Variants in GPC6 observed in about 807,000 individuals in gnomAD.
The protein encoded by GPC6 is glypican-6.
Under a neutral mutation model 55.2 loss-of-function variants are expected in GPC6, and 14 were observed. That is an observed-to-expected ratio of 0.25 (90% CI 0.17 to 0.40). The LOEUF is 0.40. GPC6 is among the 10% of genes least tolerant of loss of function. The pLI is 1.00. For missense variants in GPC6, 641 were observed against 708.5 expected, an observed-to-expected ratio of 0.90 and a Z score of 1.08; for synonymous variants, 278 against 259.6, an observed-to-expected ratio of 1.07 and a Z score of -0.68.
At chr13:93,743,601 T>A (rs1388465463) in intron 2 of GPC6, among the ~76,000 whole-genome samples, 1 of 152,154 alleles carries the variant, frequency 6.6e-6, no homozygotes, top group Non-Finnish European at 1.5e-5. Flanking sequence ...TCTGTTTTAT[T>A]GTACTCTTCT....
At chr13:93,398,237 T>C (rs9524047) in intron 1 of GPC6, among the ~76,000 whole-genome samples, 87,235 of 152,012 alleles carry the variant, frequency 0.57, 25,967 homozygotes, top group Non-Finnish European at 0.65. Flanking sequence ...GTTCTTTTTA[T>C]GTTTAAAAAT....
intron 7 of GPC6, among the ~76,000 whole-genome samples, chr13:94,389,018 C>T (rs1303041143): frequency 1.3e-5 from 2 of 152,178 alleles, no homozygotes; most frequent in Non-Finnish European, 2.9e-5. Context: ...ACAGCCTAGT[C>T]GTCTTCAGTG....
intron 6 of GPC6, among the ~76,000 whole-genome samples, chr13:94,355,715 C>A (rs1169566801): frequency 1.3e-5 from 2 of 151,906 alleles, no homozygotes; most frequent in African/African-American, 2.4e-5. Context: ...GCTTCCAGTC[C>A]CCCCCTCCAC....
intron 1 of GPC6, among the ~76,000 whole-genome samples, chr13:93,449,492 AAAT>A (rs150431500): frequency 0.22 from 33,390 of 152,102 alleles, 4,137 homozygotes; most frequent in Middle Eastern, 0.32. Context: ...CCATGGATAC[AAAT>A]AATAACACCC....
At chr13:94,013,218 G>GTATATATATA (rs10644543) in intron 3 of GPC6, among the ~76,000 whole-genome samples, 1 of 150,348 alleles carries the variant, frequency 6.7e-6, no homozygotes, top group Non-Finnish European at 1.5e-5. Flanking sequence ...ATGTGTGTAT[G>GTATATATATA]TATATATATA....
chr13:93,419,609 C>T (rs1003006022), intron 1 of GPC6, among the ~76,000 whole-genome samples: 7 of 151,972 alleles, frequency 4.6e-5, no homozygotes, highest in Non-Finnish European at 8.8e-5. Context: ...GCCTTTCAAC[C>T]GATAATACAG....
rs753768117 is a variant in GPC6, at chr13:94,403,113, C to T, written c.1564C>T (p.Pro522Ser). The T allele has an allele frequency of 1.6e-5, 26 of 1,613,498 alleles. No individual in the cohort carries two copies. In the Admixed American group the frequency reaches 1.7e-4, roughly 10 times the overall value. ...FVTTEAPAVD[P>S]DRREVDSSAA... ...CACCACAGAGGCCCCCGCAGTGGAT[C>T]CCGACCGGAGAGAGGTGGACTCTTC... The change falls in exon 9 of 9, where the codon CCC becomes TCC. Residue 522 changes from proline (P) to serine (S), a missense_variant. By Grantham distance (74) the Pro-to-Ser change is moderately conservative (BLOSUM62 -1). Coordinates refer to ENST00000377047, the MANE Select transcript of GPC6 (RefSeq NM_005708.5).
intron 1 of GPC6, among the ~76,000 whole-genome samples, chr13:93,343,294 A>G (rs1378196115): frequency 6.6e-6 from 1 of 152,152 alleles, no homozygotes; most frequent in African/African-American, 2.4e-5. Flanking sequence ...TAACACATTC[A>G]TTTGGATTGG....
intron 2 of GPC6, among the ~76,000 whole-genome samples, chr13:93,738,943 AC>A (rs1884097957): frequency 8.1e-6 from 1 of 122,958 alleles, no homozygotes; most frequent in African/African-American, 3.0e-5. Context: ...TTTTACACAC[AC>A]ACACACACAC....
chr13:94,366,321 G>C (rs750935973), intron 6 of GPC6, among the ~76,000 whole-genome samples: 3 of 152,122 alleles, frequency 2.0e-5, no homozygotes, highest in Non-Finnish European at 4.4e-5. Context: ...CCAAATCAGG[G>C]CTAATTTCCA....
chr13:93,758,256 C>T (rs975971423), intron 2 of GPC6, among the ~76,000 whole-genome samples: 10 of 152,150 alleles, frequency 6.6e-5, no homozygotes, highest in South Asian at 4.1e-4. Context: ...GGGCAGCTGT[C>T]TGAGGTGCAA....
At position 93,664,701 on chromosome 13, in the gene GPC6, T is replaced by C. The variant is rs139235332; in HGVS notation, c.319+119280T>C. Among the ~76,000 whole-genome samples the C allele has an allele frequency of 3.6e-3, 542 of 152,264 alleles. 6 individuals carry two copies. The highest frequency in any genetic ancestry group is 0.015 in the South Asian group (70 of 4,820). ...CATGTGATCTCGGCTCACTGCAACC[T>C]GCACCTCCCGGGTTCAAGCAATTCT... is the stretch of plus-strand genomic sequence containing the variant. On this transcript the variant is annotated intron_variant, in intron 2 of 8. Transcript: ENST00000377047.
chr13:93,219,684 G>C, the GPC6 span, among the ~76,000 whole-genome samples: 1 of 151,972 alleles, frequency 6.6e-6, no homozygotes, highest in Non-Finnish European at 1.5e-5. Context: ...CAAATTAAAA[G>C]CTTTGAGTAT....
chr13:94,030,496 A>G (rs548355532), intron 4 of GPC6, among the ~76,000 whole-genome samples: 73 of 152,330 alleles, frequency 4.8e-4, no homozygotes, highest in Middle Eastern at 6.8e-3. Flanking sequence ...AATTAGTCAA[A>G]TGTGCCAACT....
intron 1 of GPC6, among the ~76,000 whole-genome samples, chr13:93,319,112 A>T (rs1879342643): frequency 6.6e-6 from 1 of 152,148 alleles, no homozygotes; most frequent in Non-Finnish European, 1.5e-5. Flanking sequence ...CTCTACACAG[A>T]TTAGTGAAAG....
At chr13:93,430,662 C>G (rs747517663) in intron 1 of GPC6, among the ~76,000 whole-genome samples, 1 of 152,092 alleles carries the variant, frequency 6.6e-6, no homozygotes, top group Non-Finnish European at 1.5e-5. Flanking sequence ...CTTGGCAGAA[C>G]GTACCAATAG....
chr13:94,128,778 G>A (rs1198587657), intron 4 of GPC6, among the ~76,000 whole-genome samples: 3 of 152,126 alleles, frequency 2.0e-5, no homozygotes, highest in Non-Finnish European at 4.4e-5. Flanking sequence ...TCATTTGTGT[G>A]CATTTGCCAT....
rs956530754 is a variant in GPC6 at position 93,912,402 on chromosome 13, T to G, written c.711+81857T>G. Among the ~76,000 whole-genome samples the G allele has an allele frequency of 9.8e-5, 15 of 152,300 alleles. No homozygotes were observed. In the South Asian group the frequency reaches 1.9e-3, roughly 19 times the overall value. On this transcript the variant is annotated intron_variant, in intron 3 of 8. Transcript: ENST00000377047. ...TCTTGTTCATGATAGGGTGTATTAA[T>G]TTCCTACAGCGGCTGTACCAAGTTA...
chr13:94,247,862 T>C (rs1260956421), intron 4 of GPC6, among the ~76,000 whole-genome samples: 3 of 151,988 alleles, frequency 2.0e-5, no homozygotes, highest in East Asian at 1.9e-4. Context: ...GTCTCGCTGT[T>C]TTGCCCAGGG....
Sources: gnomAD v4.1 joint callset for allele counts (sites outside exome capture counted in the v4.1 genomes callset) on GRCh38, gnomAD v4.1.1 for gene constraint, MANE v1.5 for transcripts, NCBI Gene and HGNC (gene_info 2026-07-23, HGNC 2026-07-21) for gene names.